Variants in NDUFAF6 observed in about 807,000 individuals in gnomAD.
NDUFAF6 encodes the protein NADH dehydrogenase (ubiquinone) complex I, assembly factor 6.
A neutral mutation model predicts 40.8 loss-of-function variants in NDUFAF6; 45 were observed. The observed-to-expected ratio is 1.10, with a 90% CI of 0.87 to 1.42. NDUFAF6 has a LOEUF of 1.42. Among genes scored for constraint, NDUFAF6 ranks in the 40% most tolerant of loss-of-function variants. The pLI, the probability that NDUFAF6 is intolerant of heterozygous loss-of-function variation, is 0.00. For synonymous variants in NDUFAF6, 185 were observed against 155.9 expected (o/e 1.19, Z -1.39); for missense variants, 435 against 418.5 (o/e 1.04, Z -0.34).
At chr8:94,984,912 A>T (rs1825705072) in intron 2 of NDUFAF6, among the ~76,000 whole-genome samples, 2 of 152,222 alleles carry the variant, frequency 1.3e-5, no homozygotes, top group Non-Finnish European at 2.9e-5. Flanking sequence ...GTTGGCAGAC[A>T]GACCTGTCTG....
rs1827904450 is a variant in NDUFAF6, at chr8:95,025,025, AC to A, written c.18del (p.His6GlnfsTer85). 2.2e-6 allele frequency: 3 copies of A among 1,353,380 alleles called. No homozygotes were observed. Among genetic ancestry groups the A allele is most frequent in the Admixed American group, 7.6e-5 (2 of 26,274 alleles). 83.8% of individuals were successfully genotyped at this position (1,353,380 alleles called of 1,614,324 possible). A position where few individuals can be genotyped will look rare whatever the true frequency, so the allele number is the denominator to read the frequency against. ...GCCGGCGTCATGGCGGCCTCCGCGC[AC>A]GGCTCTGTCTGGGGGCCGTTGCGGC... is the stretch of plus-strand genomic sequence containing the variant. MAASAHGSVWGPLRLG... is the reference protein window; with the variant it reads MAASAXGSVWGPLRLG... On this transcript the variant is annotated frameshift_variant, in exon 1 of 9. Coordinates refer to ENST00000396124, the MANE Select transcript of NDUFAF6 (RefSeq NM_152416.4). LOFTEE classifies it high-confidence loss of function.
chr8:94,927,803 C>A (rs1820030821), intron 1 of NDUFAF6: 1 of 152,420 alleles, frequency 6.6e-6, no homozygotes, highest in Admixed American at 6.6e-5. Context: ...AAGTAACATT[C>A]TATGTTAACA....
At chr8:94,997,355 G>GAC (rs1563778976) in intron 2 of NDUFAF6, among the ~76,000 whole-genome samples, 22 of 150,662 alleles carry the variant, frequency 1.5e-4, no homozygotes, top group African/African-American at 5.4e-4. Flanking sequence ...GAGAGAGAGA[G>GAC]AGAGAGAGAG....
chr8:95,053,113 A>G (rs1400255634), intron 8 of NDUFAF6, among the ~76,000 whole-genome samples: 4 of 152,240 alleles, frequency 2.6e-5, no homozygotes, highest in Non-Finnish European at 4.4e-5. Flanking sequence ...ATTCATTTCA[A>G]TCCCTTCACA....
At chr8:95,038,725 T>G (rs1034203730) in intron 3 of NDUFAF6, among the ~76,000 whole-genome samples, 1 of 152,102 alleles carries the variant, frequency 6.6e-6, no homozygotes, top group African/African-American at 2.4e-5. Context: ...GTCACCAAAC[T>G]GGAGTGCAGT....
intron 1 of NDUFAF6, chr8:94,930,833 C>CAAAT: frequency 7.9e-7 from 1 of 1,262,866 alleles, no homozygotes; most frequent in Non-Finnish European, 1.1e-6. Context: ...TTGTTTATGG[C>CAAAT]TGAATGAGAG....
rs1379590166 is a variant in NDUFAF6, at chr8:95,069,841, ATAT to A, written c.*512-5787_*512-5785del. ...TATATATATATAATATATATGTATAATATTATTTTTTTCCAAAGATCTTAATTC... is the reference window on the plus strand; with the variant it reads ...TATATATATATAATATATATGTATAATATTTTTTTCCAAAGATCTTAATTC... On this transcript the variant is annotated intron_variant and NMD_transcript_variant, in intron 9 of 9. Transcript: ENST00000520757. Among the ~76,000 whole-genome samples the A allele has an allele frequency of 2.7e-4, 39 of 146,688 alleles. 1 individual carries two copies. Among genetic ancestry groups the A allele is most frequent in the Non-Finnish European group, 6.0e-5 (4 of 67,148 alleles).
chr8:94,955,646 A>G (rs1823011930), upstream of NDUFAF6, among the ~76,000 whole-genome samples: 1 of 152,262 alleles, frequency 6.6e-6, no homozygotes, highest in South Asian at 2.1e-4. Context: ...ATTAAAAGGA[A>G]ATAGGATTTT....
chr8:94,946,993 T>C (rs1822075280), intron 2 of NDUFAF6, among the ~76,000 whole-genome samples: 2 of 152,154 alleles, frequency 1.3e-5, no homozygotes, highest in Non-Finnish European at 2.9e-5. Context: ...ACTTAATAAT[T>C]AGAGCTACAA....
intron 1 of NDUFAF6, among the ~76,000 whole-genome samples, chr8:94,980,608 T>TA: frequency 6.8e-6 from 1 of 146,400 alleles, no homozygotes; most frequent in South Asian, 2.3e-4. Flanking sequence ...CACAACTGGC[T>TA]AATTTTTGTT....
At chr8:94,963,079 G>A (rs1191468182) in intron 1 of NDUFAF6, among the ~76,000 whole-genome samples, 1 of 152,006 alleles carries the variant, frequency 6.6e-6, no homozygotes, top group Non-Finnish European at 1.5e-5. Context: ...ACAGGCGTGA[G>A]CCACTACACC....
intron 1 of NDUFAF6, among the ~76,000 whole-genome samples, chr8:94,977,250 G>T (rs1369732377): frequency 6.6e-6 from 1 of 151,900 alleles, no homozygotes; most frequent in Non-Finnish European, 1.5e-5. Flanking sequence ...AGTGGCTCAT[G>T]CCTGTAATCC....
intron 1 of NDUFAF6, among the ~76,000 whole-genome samples, chr8:94,906,281 A>G (rs564571953): frequency 4.1e-4 from 63 of 152,158 alleles, no homozygotes; most frequent in Non-Finnish European, 6.5e-4. Flanking sequence ...TCTATTCACC[A>G]TCCCAGGAAC....
chr8:94,967,137 A>G (rs1321050835), intron 1 of NDUFAF6, among the ~76,000 whole-genome samples: 3 of 152,242 alleles, frequency 2.0e-5, no homozygotes, highest in African/African-American at 4.8e-5. Context: ...GAAAAGTGTA[A>G]TCATTAGGAT....
chr8:95,035,402 T>G, intron 2 of NDUFAF6, 52 bp from the exon 3 acceptor site: 4 of 1,603,172 alleles, frequency 2.5e-6, no homozygotes, highest in Non-Finnish European at 3.4e-6. Flanking sequence ...AGATACTGAT[T>G]TTTTAGACAG....
upstream of NDUFAF6, chr8:94,957,915 C>G (rs565447660): frequency 6.6e-6 from 1 of 152,228 alleles, no homozygotes; most frequent in Non-Finnish European, 1.5e-5. Context: ...TGGTGGTGCT[C>G]CTGTCCAGCT....
chr8:94,998,417 C>CAT (rs56728868), intron 2 of NDUFAF6, among the ~76,000 whole-genome samples: 1 of 151,182 alleles, frequency 6.6e-6, no homozygotes, highest in African/African-American at 2.4e-5. Flanking sequence ...CACACACACA[C>CAT]GCAATGACAG....
intron 1 of NDUFAF6, chr8:94,930,207 A>AT (rs1393250630): frequency 2.6e-6 from 1 of 386,286 alleles, no homozygotes; most frequent in South Asian, 4.7e-5. Context: ...AACCTAATAT[A>AT]TTTAAAGACA....
chr8:95,083,021 T>C (rs896083393), intron 2 of NDUFAF6, among the ~76,000 whole-genome samples: 10 of 152,120 alleles, frequency 6.6e-5, no homozygotes, highest in African/African-American at 2.2e-4. Flanking sequence ...CCTCTAGCAG[T>C]CCTCCCGTCT....
Sources: gnomAD v4.1 joint callset for allele counts (sites outside exome capture counted in the v4.1 genomes callset) on GRCh38, gnomAD v4.1.1 for gene constraint, MANE v1.5 for transcripts, NCBI Gene and HGNC (gene_info 2026-07-23, HGNC 2026-07-21) for gene names.